U2SURP: variants seen among roughly 807,000 people sequenced by gnomAD.
U2SURP encodes U2 snRNP-associated SURP motif-containing protein.
Under a neutral mutation model 144.9 loss-of-function variants are expected in U2SURP, and 9 were observed. The ratio of observed to expected loss-of-function variants is 0.06; its 90% confidence interval spans 0.04 to 0.11. The LOEUF (loss-of-function observed/expected upper bound fraction) is 0.11, where lower values mean the gene tolerates loss of function less well. Among genes scored for constraint, U2SURP ranks in the 10% least tolerant of loss-of-function variants. U2SURP has a pLI of 1.00. For missense variants in U2SURP, 724 were observed against 1,226.7 expected (o/e 0.59, Z 6.12); for synonymous variants, 408 against 396.8 (o/e 1.03, Z -0.33).
intron 2 of U2SURP, among the ~76,000 whole-genome samples, chr3:143,011,185 A>T (rs985362005): frequency 6.6e-6 from 1 of 152,128 alleles, no homozygotes; most frequent in Non-Finnish European, 1.5e-5. Context: ...CACAAAACAT[A>T]TGTTGGAAAT....
rs774254907 is a variant in U2SURP at position 143,046,987 on chromosome 3, C to T, written c.2544+3711C>T. ...CTCCCTCCCGGACGGGGCGGCTGGC[C>T]GGGCGGGGGGCTGACCCCCCCACCT... is the stretch of plus-strand genomic sequence containing the variant. On this transcript the variant is annotated intron_variant, in intron 24 of 27. Transcript: ENST00000473835. Among the ~76,000 whole-genome samples, 472 of 135,742 alleles carry T rather than the reference C, an allele frequency of 3.5e-3. 8 individuals are homozygous for T. Among genetic ancestry groups the T allele is most frequent in the Non-Finnish European group, 4.5e-3 (291 of 64,222 alleles). 89.1% of individuals were successfully genotyped at this position (135,742 alleles called of 152,430 possible). A position where few individuals can be genotyped will look rare whatever the true frequency, so the allele number is the denominator to read the frequency against.
At position 143,015,817 on chromosome 3, in the gene U2SURP, T is replaced by G. The variant is rs1381976793; in HGVS notation, c.322-440T>G. Among the ~76,000 whole-genome samples the G allele has an allele frequency of 2.6e-5, 4 of 152,230 alleles. No homozygotes were observed. In the East Asian group the frequency reaches 7.7e-4, roughly 29 times the overall value. ...TCTTTATATCAAGATTCTTCTGAGC[T>G]TTCCTTAATGCCACTTGTCAGTAGA... On this transcript the variant is annotated intron_variant, in intron 4 of 27. Coordinates refer to ENST00000473835, the MANE Select transcript of U2SURP (RefSeq NM_001080415.2).
chr3:143,017,797 A>T (rs1936444661), intron 6 of U2SURP, among the ~76,000 whole-genome samples: 1 of 151,870 alleles, frequency 6.6e-6, no homozygotes, highest in African/African-American at 2.4e-5. Context: ...ATTTTTTGGT[A>T]TTTTTTTGTG....
chr3:143,025,419 A>G (rs1164260503), intron 13 of U2SURP, among the ~76,000 whole-genome samples: 1 of 152,158 alleles, frequency 6.6e-6, no homozygotes. Context: ...CTTAAATGCT[A>G]AAGTCAAGTT....
intron 19 of U2SURP, 78 bp from the exon 20 acceptor site, chr3:143,035,904 G>T: frequency 7.0e-7 from 1 of 1,429,706 alleles, no homozygotes; most frequent in South Asian, 1.7e-5. Flanking sequence ...AGCAAATCTT[G>T]ATGATCATTC....
chr3:143,021,621 C>CA (rs570535652), intron 10 of U2SURP, 66 bp downstream of exon 10: 92 of 1,428,390 alleles, frequency 6.4e-5, no homozygotes, highest in Middle Eastern at 4.8e-4. Context: ...CTTTGTTAGT[C>CA]AAAAAAAATC....
Position 143,001,618 on chromosome 3 carries a change from C to T in U2SURP, c.-11C>T, listed in dbSNP as rs372971680. ...GCTGCTGCCGCCGCCGAAGGAGGGG[C>T]AAAGCTCAAGATGGCGGACAAAACG... is the stretch of plus-strand genomic sequence containing the variant. On this transcript the variant is annotated 5_prime_UTR_variant, in exon 1 of 28. Coordinates refer to ENST00000473835, the MANE Select transcript of U2SURP (RefSeq NM_001080415.2). 92 of 1,613,866 alleles carry T rather than the reference C, an allele frequency of 5.7e-5. No homozygotes were observed. The highest frequency in any genetic ancestry group is 7.2e-5 in the Non-Finnish European group (85 of 1,179,868).
At chr3:143,002,102 C>T (rs748942767) in intron 1 of U2SURP, 2 of 230,788 alleles carry the variant, frequency 8.7e-6, no homozygotes, top group Non-Finnish European at 1.7e-5. Context: ...CACTTCCGGC[C>T]TCCCTCAGTT....
At chr3:143,034,529 C>T (rs1364961362) in intron 18 of U2SURP, 1 of 157,078 alleles carries the variant, frequency 6.4e-6, no homozygotes, top group Non-Finnish European at 1.4e-5. Context: ...AGAGCTGGAT[C>T]CTACTCTTAG....
intron 22 of U2SURP, 117 bp downstream of exon 22, chr3:143,038,320 A>G (rs749129568): frequency 2.3e-4 from 161 of 713,162 alleles, no homozygotes; most frequent in Non-Finnish European, 3.0e-4. Flanking sequence ...TTAATGCTCA[A>G]TGTTGTCATA....
At chr3:143,036,202 T>C in intron 20 of U2SURP, 98 bp downstream of exon 20, 2 of 1,297,418 alleles carry the variant, frequency 1.5e-6, no homozygotes, top group Non-Finnish European at 2.0e-6. Context: ...GTACATTTCT[T>C]TGTGAAAAAT....
chr3:143,022,389 G>A (rs1458507112), intron 10 of U2SURP, 108 bp from the exon 11 acceptor site: 13 of 1,014,404 alleles, frequency 1.3e-5, no homozygotes, highest in Middle Eastern at 2.5e-4. Flanking sequence ...GAAAATTGAA[G>A]CACGTTGCTA....
intron 1 of U2SURP, among the ~76,000 whole-genome samples, chr3:143,008,091 A>T (rs957825372): frequency 6.6e-6 from 1 of 152,224 alleles, no homozygotes; most frequent in Non-Finnish European, 1.5e-5. Flanking sequence ...GCATTGTGCT[A>T]CACTATGCTG....
rs1433882906 is a variant in U2SURP, at chr3:143,047,176, GA to G, written c.2545-3762del. Among the ~76,000 whole-genome samples, 52 of 91,672 alleles carry G rather than the reference GA, an allele frequency of 5.7e-4. 3 individuals carry two copies. Among genetic ancestry groups the G allele is most frequent in the African/African-American group, 2.9e-3 (49 of 17,068 alleles). 60.1% of individuals were successfully genotyped at this position (91,672 alleles called of 152,430 possible). ...GGGGCGGCTGGCCAGGCGGGGGGCT[GA>G]TCCCCCCACCTCCCTCCCGGACGGG... On this transcript the variant is annotated intron_variant, in intron 24 of 27. Transcript: ENST00000473835.
chr3:143,010,817 G>A lies in U2SURP; in HGVS notation c.48G>A (p.Thr16=), dbSNP rs1404552312. ...PGGSQKASSK[T]RSSDVHSSGS... is the part of the protein sequence containing the mutation. ...ACTTTTATTTTTGATACTTGTAGACGAGATCATCAGATGTTCATTCATCTG... is the reference window on the plus strand; with the variant it reads ...ACTTTTATTTTTGATACTTGTAGACAAGATCATCAGATGTTCATTCATCTG... The change falls in exon 2 of 28, where the codon ACG becomes ACA. Residue 16 remains threonine, a splice_region_variant and synonymous_variant. Coordinates refer to ENST00000473835, the MANE Select transcript of U2SURP (RefSeq NM_001080415.2). 6.2e-7 allele frequency: 1 copy of A among 1,605,632 alleles called. No homozygotes were observed. The highest frequency in any genetic ancestry group is 8.5e-7 in the Non-Finnish European group (1 of 1,175,548).
chr3:143,021,343 C>T lies in U2SURP; in HGVS notation c.734-7C>T. ...ACTAATAATTGTCTTCTTTTCTCCC[C>T]TTTAAGTGGACGCGCCTTCAAGAAG... On this transcript the variant is annotated splice_polypyrimidine_tract_variant and splice_region_variant and intron_variant, in intron 8 of 27. Coordinates refer to ENST00000473835, the MANE Select transcript of U2SURP (RefSeq NM_001080415.2). The T allele has an allele frequency of 2.5e-6, 4 of 1,589,968 alleles. No homozygotes were observed. The highest frequency in any genetic ancestry group is 3.4e-6 in the Non-Finnish European group (4 of 1,166,660).
At chr3:143,012,730 C>A (rs1264520915) in intron 3 of U2SURP, among the ~76,000 whole-genome samples, 1 of 152,114 alleles carries the variant, frequency 6.6e-6, no homozygotes, top group African/African-American at 2.4e-5. Flanking sequence ...AGCTTATAGT[C>A]TCACTCTGAA....
At chr3:143,012,551 A>G (rs1232666876) in intron 3 of U2SURP, among the ~76,000 whole-genome samples, 198 bp downstream of exon 3, 1 of 152,118 alleles carries the variant, frequency 6.6e-6, no homozygotes, top group Non-Finnish European at 1.5e-5. Context: ...AATGTGAGAT[A>G]TTTCATTTTA....
chr3:143,041,176 T>C (rs1415037010), intron 23 of U2SURP, among the ~76,000 whole-genome samples: 1 of 151,904 alleles, frequency 6.6e-6, no homozygotes, highest in Admixed American at 6.6e-5. Flanking sequence ...CACGTCCTTA[T>C]TGAGTCTTCT....
Sources: gnomAD v4.1 joint callset for allele counts (sites outside exome capture counted in the v4.1 genomes callset) on GRCh38, gnomAD v4.1.1 for gene constraint, MANE v1.5 for transcripts, NCBI Gene and HGNC (gene_info 2026-07-23, HGNC 2026-07-21) for gene names.